The following GFM1 variants were observed in gnomAD, a reference collection of about 807,000 sequenced individuals.
The protein encoded by GFM1 is elongation factor G, mitochondrial.
In GFM1, 62 loss-of-function variants were observed where a neutral mutation model predicts 96.2. That is an observed-to-expected ratio of 0.64 (90% CI 0.53 to 0.80). The LOEUF is 0.80. Among genes scored for constraint, GFM1 ranks in the 30% least tolerant of loss-of-function variants. The pLI is 0.00. For synonymous variants in GFM1, 282 were observed against 312.9 expected (o/e 0.90, Z 1.04); for missense variants, 852 against 916.6 (o/e 0.93, Z 0.91).
At chr3:158,665,109 C>G (rs1481352024) in intron 11 of GFM1, among the ~76,000 whole-genome samples, 1 of 152,144 alleles carries the variant, frequency 6.6e-6, no homozygotes, top group Non-Finnish European at 1.5e-5. Flanking sequence ...TGTTTTCTAT[C>G]TTGGTGTGGA....
chr3:158,667,094 C>T lies in GFM1; in HGVS notation c.1601+708C>T, dbSNP rs4680455. ...TCTTTGCTATGACAAAAAATAAAAA[C>T]GTGTTGTTTAAAACTTAATATCTTT... On this transcript the variant is annotated intron_variant, in intron 13 of 17. Coordinates refer to ENST00000486715, the MANE Select transcript of GFM1 (RefSeq NM_024996.7). 2.7e-4 allele frequency: 427 copies of T among 1,562,136 alleles called. 2 individuals are homozygous for T. The South Asian group carries it at 4.2e-3, about 15-fold the overall frequency.
intron 5 of GFM1, chr3:158,649,701 C>G (rs1199737885): frequency 3.0e-6 from 1 of 331,382 alleles, no homozygotes; most frequent in South Asian, 7.1e-5. Context: ...GGTCCATCAG[C>G]TCTTGAGTGA....
At position 158,648,033 on chromosome 3, in the gene GFM1, T is replaced by C. The variant is rs1386693022; in HGVS notation, c.573-1008T>C. Among the ~76,000 whole-genome samples the C allele has an allele frequency of 4.6e-5, 7 of 152,324 alleles. No individual in the cohort carries two copies. The East Asian group carries it at 1.2e-3, about 25-fold the overall frequency. On this transcript the variant is annotated intron_variant, in intron 4 of 17. Transcript: ENST00000486715. ...GATCTTCCAGCTCACTAATTTGATA[T>C]TCATTTGTGTCTCTTCAGTTACTTA...
At chr3:158,682,363 G>A (rs1576787339) in intron 14 of GFM1, 1 of 540,314 alleles carries the variant, frequency 1.9e-6, no homozygotes, top group Non-Finnish European at 3.3e-6. Flanking sequence ...TGACAATGAT[G>A]GGAAATTATT....
rs547667660 is a variant in GFM1, at chr3:158,646,792, T to A, written c.417T>A (p.Asp139Glu). Reference protein sequence around the residue: ...IEVERALRVLDGAVLVLCAVG... With the variant: ...IEVERALRVLEGAVLVLCAVG... Reference sequence around the variant, plus strand: ...TGGAAAGGGCCCTGAGAGTGTTGGATGGTGCAGTCCTTGTTCTCTGTGCTG... The same window carrying A: ...TGGAAAGGGCCCTGAGAGTGTTGGAAGGTGCAGTCCTTGTTCTCTGTGCTG... The change falls in exon 4 of 18, where the codon GAT becomes GAA. Residue 139 changes from aspartate (D) to glutamate (E), a missense_variant. Coordinates refer to ENST00000486715, the MANE Select transcript of GFM1 (RefSeq NM_024996.7). 1.2e-6 allele frequency: 2 copies of A among 1,614,196 alleles called. No homozygotes were observed. The highest frequency in any genetic ancestry group is 4.5e-5 in the East Asian group (2 of 44,890).
At chr3:158,645,959 A>AT (rs1721750114) in intron 2 of GFM1, 178 bp downstream of exon 2, 1 of 837,582 alleles carries the variant, frequency 1.2e-6, no homozygotes, top group African/African-American at 1.7e-5. Flanking sequence ...TTTTATTTTT[A>AT]TTTTTTATAG....
chr3:158,679,048 G>A (rs533047430), intron 13 of GFM1, among the ~76,000 whole-genome samples: 9 of 152,298 alleles, frequency 5.9e-5, no homozygotes, highest in African/African-American at 2.2e-4. Context: ...TCAACCTGCA[G>A]CAGCCATCAC....
intron 13 of GFM1, among the ~76,000 whole-genome samples, chr3:158,672,924 T>C (rs1331583652): frequency 1.3e-5 from 2 of 152,172 alleles, no homozygotes; most frequent in African/African-American, 4.8e-5. Flanking sequence ...TTCCTGTCCA[T>C]GGGAAAAAAG....
chr3:158,644,964 A>C, intron 1 of GFM1: 1 of 371,478 alleles, frequency 2.7e-6, no homozygotes, highest in South Asian at 5.4e-5. Context: ...TTGATATTTT[A>C]TCCACCTTTT....
Position 158,660,937 on chromosome 3 carries a change from G to A in GFM1, c.1285G>A (p.Asp429Asn). 1 of 1,614,022 alleles carries A rather than the reference G, an allele frequency of 6.2e-7. No homozygotes were observed. The highest frequency in any genetic ancestry group is 8.5e-7 in the Non-Finnish European group (1 of 1,179,918). ...ALFGIDCASGDTFTDKANSGL... is the reference protein window; with the variant it reads ...ALFGIDCASGNTFTDKANSGL... ...GTTTGGCATTGACTGTGCTAGTGGAGACACATTCACAGACAAAGCCAACAG... is the reference window on the plus strand; with the variant it reads ...GTTTGGCATTGACTGTGCTAGTGGAAACACATTCACAGACAAAGCCAACAG... The change falls in exon 10 of 18, where the codon GAC becomes AAC. Residue 429 changes from aspartate (D) to asparagine (N), a missense_variant. Physicochemically the swap from Asp to Asn is conservative, Grantham distance 23. Transcript: ENST00000486715.
chr3:158,650,361 G>C (rs1722191524), intron 5 of GFM1: 1 of 287,630 alleles, frequency 3.5e-6, no homozygotes, highest in Non-Finnish European at 6.7e-6. Flanking sequence ...AAAAATATTT[G>C]TAAATGAATG....
intron 13 of GFM1, among the ~76,000 whole-genome samples, chr3:158,677,419 A>G (rs1053035006): frequency 1.3e-5 from 2 of 152,248 alleles, no homozygotes; most frequent in African/African-American, 4.8e-5. Context: ...GTGAAGCAGC[A>G]AGTGCTGATG....
intron 13 of GFM1, among the ~76,000 whole-genome samples, chr3:158,673,640 T>C (rs545348312): frequency 5.3e-5 from 8 of 151,218 alleles, no homozygotes; most frequent in African/African-American, 1.9e-4. Context: ...GCCTCCAGAG[T>C]AGCTGGGATT....
Position 158,690,055 on chromosome 3 carries a change from T to A in GFM1, c.1910-108T>A, listed in dbSNP as rs1392617638. ...GGTCGAATATTTTAACCTTGCCGTT[T>A]GTGTTTGTACCTTTGGGAAAGCATC... On this transcript the variant is annotated intron_variant, in intron 15 of 17. Coordinates refer to ENST00000486715, the MANE Select transcript of GFM1 (RefSeq NM_024996.7). 1.7e-5 allele frequency: 16 copies of A among 940,832 alleles called. No individual in the cohort carries two copies. The Admixed American group carries it at 2.8e-4, about 17-fold the overall frequency. 58.3% of individuals were successfully genotyped at this position (940,832 alleles called of 1,614,324 possible). A position where few individuals can be genotyped will look rare whatever the true frequency, so the allele number is the denominator to read the frequency against.
Position 158,663,779 on chromosome 3 carries a change from A to C in GFM1, c.1380+1095A>C, listed in dbSNP as rs140353263. Among the ~76,000 whole-genome samples the C allele has an allele frequency of 3.2e-3, 484 of 152,324 alleles. 3 individuals carry two copies. The highest frequency in any genetic ancestry group is 0.011 in the African/African-American group (467 of 41,568). On this transcript the variant is annotated intron_variant, in intron 11 of 17. Transcript: ENST00000486715. ...TAACTGTTGATAATTTACAATAAGG[A>C]GGGAAATCAATGCTTCAATATCCAG...
rs745312855 is a variant in GFM1, at chr3:158,690,294, G to A, written c.2041G>A (p.Val681Ile). Reference sequence around the variant, plus strand: ...TGGGGTAATCACTGGGCAAGATGGAGTTGAGGACTATTTTACACTGTATGC... The same window carrying A: ...TGGGGTAATCACTGGGCAAGATGGAATTGAGGACTATTTTACACTGTATGC... ...RHGVITGQDG[V>I]EDYFTLYADV... Residue 681 changes from valine (V) to isoleucine (I), a missense_variant, in exon 16 of 18, where the codon GTT becomes ATT. Val to Ile is a conservative substitution (Grantham distance 29). Transcript: ENST00000486715. 1.2e-6 allele frequency: 2 copies of A among 1,613,902 alleles called. No individual in the cohort carries two copies. The highest frequency in any genetic ancestry group is 1.3e-5 in the African/African-American group (1 of 74,930).
chr3:158,662,647 A>G lies in GFM1; in HGVS notation c.1343A>G (p.Asp448Gly), dbSNP rs146951325. ...TTTTAGGAGTCAATTCATGTTCCTG[A>G]TCCTGTCATTTCAATAGCAATGAAG... is the stretch of plus-strand genomic sequence containing the variant. ...GLSMESIHVP[D>G]PVISIAMKPS... The change falls in exon 11 of 18, where the codon GAT becomes GGT. Residue 448 changes from aspartate to glycine, a missense_variant. By Grantham distance (94) the Asp-to-Gly change is moderately conservative (BLOSUM62 -1). Coordinates refer to ENST00000486715, the MANE Select transcript of GFM1 (RefSeq NM_024996.7). 2.1e-4 allele frequency: 341 copies of G among 1,599,468 alleles called. 1 individual carries two copies. The African/African-American group carries it at 3.8e-3, about 18-fold the overall frequency.
chr3:158,672,240 G>A (rs1724394900), intron 13 of GFM1: 3 of 1,361,294 alleles, frequency 2.2e-6, no homozygotes, highest in South Asian at 2.6e-5. Context: ...AAAACAGAAG[G>A]TGGGTAGGGG....
intron 13 of GFM1, among the ~76,000 whole-genome samples, chr3:158,673,057 A>G (rs1161473725): frequency 6.6e-6 from 1 of 152,058 alleles, no homozygotes; most frequent in Non-Finnish European, 1.5e-5. Context: ...CCTTCCCCTT[A>G]TGAGAGTCCA....
Sources: allele counts gnomAD v4.1 joint callset (sites outside exome capture counted in the v4.1 genomes callset), GRCh38; gene constraint gnomAD v4.1.1; transcripts MANE v1.5; gene names NCBI Gene and HGNC (gene_info 2026-07-23, HGNC 2026-07-21).